Variants in DISC1 observed in about 807,000 individuals in gnomAD.
DISC1 encodes the protein DISC1 scaffold protein.
Under a neutral mutation model 84.5 loss-of-function variants are expected in DISC1, and 57 were observed. The observed-to-expected ratio is 0.67, with a 90% CI of 0.55 to 0.84. The LOEUF (loss-of-function observed/expected upper bound fraction) is 0.84. DISC1 is among the 40% of genes least tolerant of loss of function. The probability of loss-of-function intolerance (pLI) is 0.00; values close to 1 mark genes in which losing one functional copy is unlikely to be tolerated. For synonymous variants in DISC1, 411 were observed against 415.2 expected (o/e 0.99, Z 0.12); for missense variants, 1,000 against 1,057.8 (o/e 0.95, Z 0.76).
intron 9 of DISC1, among the ~76,000 whole-genome samples, chr1:231,928,727 G>A (rs373711727): frequency 1.3e-5 from 2 of 152,230 alleles, no homozygotes; most frequent in African/African-American, 4.8e-5. Flanking sequence ...CACTGCTTCA[G>A]CTGTGTCCCA....
At position 231,954,169 on chromosome 1, in the gene DISC1, A is replaced by C. The variant is rs1014195754; in HGVS notation, c.1982-4659A>C. Among the ~76,000 whole-genome samples, 4 of 152,114 alleles carry C rather than the reference A, an allele frequency of 2.6e-5. No individual in the cohort carries two copies. Among genetic ancestry groups the C allele is most frequent in the African/African-American group, 9.7e-5 (4 of 41,398 alleles). On this transcript the variant is annotated intron_variant, in intron 9 of 12. Transcript: ENST00000439617. This position sits in a 1 kb window ranked among gnomAD's most constrained non-coding sequence, Gnocchi z 4.8. Reference sequence around the variant, plus strand: ...TATTTTTGGATTATTGGTTATGATGAATATTTATGGAAAATGTTGCTGTGC... The same window carrying C: ...TATTTTTGGATTATTGGTTATGATGCATATTTATGGAAAATGTTGCTGTGC...
intron 9 of DISC1, among the ~76,000 whole-genome samples, chr1:231,858,042 C>T (rs1219160618): frequency 6.6e-6 from 1 of 152,208 alleles, no homozygotes; most frequent in East Asian, 1.9e-4. Flanking sequence ...CCGGGCTAAA[C>T]ACAATTGTGG....
intron 10 of DISC1, among the ~76,000 whole-genome samples, chr1:231,961,076 C>T (rs1400985241): frequency 6.6e-6 from 1 of 152,242 alleles, no homozygotes; most frequent in Non-Finnish European, 1.5e-5. Context: ...CTTCAAGGAA[C>T]CTCCACATAT....
intron 6 of DISC1, chr1:231,771,448 A>G: frequency 1.0e-6 from 1 of 985,412 alleles, no homozygotes; most frequent in Non-Finnish European, 1.2e-6. Context: ...GCCTCTCACT[A>G]AGGGAAGAGG....
intron 3 of DISC1, among the ~76,000 whole-genome samples, chr1:231,727,884 CG>C (rs2070954590): frequency 2.6e-5 from 4 of 150,954 alleles, no homozygotes; most frequent in African/African-American, 9.7e-5. Flanking sequence ...CCCAGGAGTT[CG>C]GGGCTGCAGT....
At chr1:231,771,122 C>A (rs1021297491) in intron 6 of DISC1, 52 bp downstream of exon 6, 36 of 1,498,394 alleles carry the variant, frequency 2.4e-5, no homozygotes, top group Non-Finnish European at 3.0e-5. Context: ...TTGACCTGTT[C>A]ATTGGAATGA....
chr1:231,755,423 T>G (rs1212988113), intron 4 of DISC1, among the ~76,000 whole-genome samples: 2 of 152,102 alleles, frequency 1.3e-5, no homozygotes, highest in Non-Finnish European at 2.9e-5. Context: ...TTCTCAGTGG[T>G]CTCAAATGCT....
At chr1:231,901,039 C>T (rs1157657432) in intron 9 of DISC1, among the ~76,000 whole-genome samples, 1 of 152,128 alleles carries the variant, frequency 6.6e-6, no homozygotes, top group East Asian at 1.9e-4. Context: ...TGCTTTAAGT[C>T]TCTAGTGTAG....
chr1:231,738,937 G>A (rs964309943), intron 3 of DISC1, among the ~76,000 whole-genome samples: 1 of 151,938 alleles, frequency 6.6e-6, no homozygotes, highest in African/African-American at 2.4e-5. Flanking sequence ...TAATTTTTTT[G>A]TACAACAGGA....
chr1:231,709,293 C>T (rs1376976824), intron 3 of DISC1, among the ~76,000 whole-genome samples: 2 of 152,108 alleles, frequency 1.3e-5, no homozygotes, highest in African/African-American at 4.8e-5. Context: ...GCTTTGTGCA[C>T]AGATGCGAAA....
intron 3 of DISC1, among the ~76,000 whole-genome samples, chr1:231,747,719 C>T (rs2812383): frequency 0.93 from 142,370 of 152,284 alleles, 66,847 homozygotes; most frequent in East Asian, 1. Flanking sequence ...TTGTTCTTTT[C>T]GCTTATGATT....
intron 6 of DISC1, among the ~76,000 whole-genome samples, chr1:231,787,581 G>A (rs2077985762): frequency 6.6e-6 from 1 of 152,184 alleles, no homozygotes; most frequent in Admixed American, 6.5e-5. Context: ...ATTTCTTAAA[G>A]GTCCCGCCTC....
intron 6 of DISC1, among the ~76,000 whole-genome samples, chr1:231,779,550 T>G (rs12740516): frequency 3.5e-5 from 1 of 28,788 alleles, no homozygotes; most frequent in Non-Finnish European, 6.7e-5. Flanking sequence ...CCTATTCTTG[T>G]TTTTTTTTTT....
intron 9 of DISC1, among the ~76,000 whole-genome samples, chr1:231,855,970 G>C (rs927234750): frequency 3.3e-5 from 5 of 152,328 alleles, no homozygotes; most frequent in South Asian, 2.1e-4. Context: ...CATGAAAGTC[G>C]TGGCTGCCAC....
At position 231,626,954 on chromosome 1, in the gene DISC1, G is replaced by A. The variant is rs982865936; in HGVS notation, c.67+20G>A. On this transcript the variant is annotated intron_variant, in intron 1 of 12. Coordinates refer to ENST00000439617, the MANE Select transcript of DISC1 (RefSeq NM_018662.3). ...GCGCAGGTAGGGGAGCTGCCACAGA[G>A]TCCTAGCACGTCCTGGGGGGGTCCT... The A allele has an allele frequency of 5.4e-6, 8 of 1,478,336 alleles. No individual in the cohort carries two copies. In the African/African-American group the frequency reaches 7.4e-5, roughly 14 times the overall value. 91.6% of individuals were successfully genotyped at this position (1,478,336 alleles called of 1,614,324 possible). A position where few individuals can be genotyped will look rare whatever the true frequency, so the allele number is the denominator to read the frequency against.
chr1:231,707,849 T>C (rs1445695704), intron 3 of DISC1, among the ~76,000 whole-genome samples: 1 of 151,942 alleles, frequency 6.6e-6, no homozygotes, highest in African/African-American at 2.4e-5. Context: ...ATTCCTAAAG[T>C]CTAAATCCCT....
At chr1:231,770,365 G>C (rs1037797017) in intron 5 of DISC1, among the ~76,000 whole-genome samples, 5 of 152,128 alleles carry the variant, frequency 3.3e-5, no homozygotes, top group African/African-American at 9.7e-5. Flanking sequence ...CAGTCCTGTA[G>C]ACTTAAGAAG....
chr1:231,804,348 G>A (rs1193709395), intron 8 of DISC1, among the ~76,000 whole-genome samples: 2 of 152,068 alleles, frequency 1.3e-5, no homozygotes, highest in Non-Finnish European at 2.9e-5. Context: ...CAGAGGAAAT[G>A]GCCTGTTCCA....
At chr1:231,700,504 T>G (rs1178268364) in intron 2 of DISC1, among the ~76,000 whole-genome samples, 1 of 152,200 alleles carries the variant, frequency 6.6e-6, no homozygotes, top group Non-Finnish European at 1.5e-5. Flanking sequence ...GTTAATCAAC[T>G]GTTTATGTTT....
Sources: allele counts gnomAD v4.1 joint callset (sites outside exome capture counted in the v4.1 genomes callset), GRCh38; gene constraint gnomAD v4.1.1; non-coding constraint Gnocchi (gnomAD v3.1); transcripts MANE v1.5; gene names NCBI Gene and HGNC (gene_info 2026-07-23, HGNC 2026-07-21).